The following ZDHHC7 variants were observed in gnomAD, a reference collection of about 807,000 sequenced individuals.
ZDHHC7 encodes palmitoyltransferase ZDHHC7.
A neutral mutation model predicts 34.1 loss-of-function variants in ZDHHC7; 12 were observed. That is an observed-to-expected ratio of 0.35 (90% CI 0.23 to 0.57). The LOEUF is 0.57. Ranked by LOEUF, ZDHHC7 falls within the 20% of genes least tolerant of loss-of-function variation. ZDHHC7 has a pLI of 0.84. For synonymous variants in ZDHHC7, 185 were observed against 155.4 expected (o/e 1.19, Z -1.42); for missense variants, 388 against 402.7 (o/e 0.96, Z 0.31).
intron 4 of ZDHHC7, among the ~76,000 whole-genome samples, chr16:84,980,972 G>C (rs2072360127): frequency 6.6e-6 from 1 of 152,178 alleles, no homozygotes; most frequent in African/African-American, 2.4e-5. Context: ...CCCTGTATCT[G>C]GGTTTCCTCC....
the ZDHHC7 span, among the ~76,000 whole-genome samples, chr16:85,024,631 G>A: frequency 1.3e-5 from 2 of 152,174 alleles, no homozygotes; most frequent in Non-Finnish European, 2.9e-5. Flanking sequence ...TGTCGGCAGA[G>A]GCTCCATCCT....
intron 5 of ZDHHC7, among the ~76,000 whole-genome samples, chr16:84,978,930 T>C (rs539034882): frequency 6.6e-6 from 1 of 151,948 alleles, no homozygotes; most frequent in African/African-American, 2.4e-5. Context: ...GGAAGATTCC[T>C]GTTATTATTA....
At chr16:85,014,163 T>A (rs541131547), upstream of ZDHHC7, among the ~76,000 whole-genome samples, 1 of 152,320 alleles carries the variant, frequency 6.6e-6, no homozygotes, top group East Asian at 1.9e-4. Flanking sequence ...CACACTTTTG[T>A]CAACCCAAAA....
At chr16:84,990,001 C>G (rs1465128087) in intron 3 of ZDHHC7, among the ~76,000 whole-genome samples, 1 of 152,072 alleles carries the variant, frequency 6.6e-6, no homozygotes, top group African/African-American at 2.4e-5. Flanking sequence ...ACGATCGGCC[C>G]GAATGCCCCT....
the ZDHHC7 span, among the ~76,000 whole-genome samples, chr16:85,016,588 G>A: frequency 6.6e-6 from 1 of 151,258 alleles, no homozygotes; most frequent in East Asian, 1.9e-4. Flanking sequence ...CCAAGTAGCT[G>A]AGATTACAGC....
At chr16:85,027,614 G>C in the ZDHHC7 span, 6 of 152,220 alleles carry the variant, frequency 3.9e-5, no homozygotes, top group Admixed American at 6.5e-5. Flanking sequence ...CCGAGCGTGG[G>C]CAGGCCTCGG....
intron 4 of ZDHHC7, among the ~76,000 whole-genome samples, chr16:84,980,289 T>C (rs747909676): frequency 2.6e-5 from 4 of 151,798 alleles, no homozygotes; most frequent in African/African-American, 4.8e-5. Context: ...TTCTTATTCA[T>C]TGACCTTGGC....
chr16:84,977,840 AAACTGGTTCT>A, intron 6 of ZDHHC7, 74 bp downstream of exon 6: 2 of 1,110,936 alleles, frequency 1.8e-6, no homozygotes, highest in South Asian at 2.9e-5. Flanking sequence ...CAAAATTGGA[AAACTGGTTCT>A]TCCTTTAAAG....
upstream of ZDHHC7, among the ~76,000 whole-genome samples, chr16:85,014,425 C>T (rs895939247): frequency 6.6e-6 from 1 of 152,138 alleles, no homozygotes; most frequent in African/African-American, 2.4e-5. Flanking sequence ...ATTTAACATT[C>T]CACAGTGAAG....
chr16:85,012,126 A>T (rs1357339808), upstream of ZDHHC7, among the ~76,000 whole-genome samples: 4 of 152,196 alleles, frequency 2.6e-5, no homozygotes, highest in Non-Finnish European at 5.9e-5. Flanking sequence ...TCACGCCTGT[A>T]ACTCCAGCAC....
intron 1 of ZDHHC7, among the ~76,000 whole-genome samples, chr16:85,002,175 T>C (rs199537991): frequency 1.3e-5 from 2 of 151,652 alleles, no homozygotes; most frequent in East Asian, 1.9e-4. Context: ...AAACAGAAAA[T>C]AGACAAATAC....
chr16:85,000,128 G>T (rs919382442), intron 1 of ZDHHC7, among the ~76,000 whole-genome samples: 13 of 152,032 alleles, frequency 8.6e-5, no homozygotes, highest in Non-Finnish European at 1.8e-4. Flanking sequence ...CAACAAGCAA[G>T]ACCCTGTCTC....
intron 3 of ZDHHC7, among the ~76,000 whole-genome samples, chr16:84,984,299 G>T (rs996773384): frequency 3.9e-5 from 6 of 152,122 alleles, no homozygotes; most frequent in Middle Eastern, 3.2e-3. Context: ...AGGATTACAG[G>T]TATGAGCCAC....
intron 2 of ZDHHC7, among the ~76,000 whole-genome samples, chr16:84,995,193 T>C (rs1037362808): frequency 6.6e-5 from 10 of 152,210 alleles, no homozygotes; most frequent in African/African-American, 2.4e-4. Flanking sequence ...TCTACCCTAA[T>C]GGCCGATTTA....
chr16:85,024,439 G>A, the ZDHHC7 span, among the ~76,000 whole-genome samples: 1 of 152,066 alleles, frequency 6.6e-6, no homozygotes, highest in East Asian at 1.9e-4. Context: ...CACCATGTTG[G>A]CCAGGCTGGT....
At chr16:84,980,426 T>G (rs999101068) in intron 4 of ZDHHC7, among the ~76,000 whole-genome samples, 2 of 151,986 alleles carry the variant, frequency 1.3e-5, no homozygotes, top group African/African-American at 4.8e-5. Context: ...TCCCAGCACT[T>G]TGGCAGGCCG....
At chr16:85,021,749 A>G in the ZDHHC7 span, among the ~76,000 whole-genome samples, 150,806 of 151,626 alleles carry the variant, frequency 0.99, 74,997 homozygotes, top group South Asian at 1. Context: ...GAAAGAGAAC[A>G]AGAGAGAGAG....
intron 4 of ZDHHC7, among the ~76,000 whole-genome samples, chr16:84,981,565 G>A (rs2072368285): frequency 6.6e-6 from 1 of 152,190 alleles, no homozygotes. Context: ...TGTGGCATGT[G>A]TGCCACAACA....
At chr16:85,007,253 G>A (rs1022391736) in intron 1 of ZDHHC7, among the ~76,000 whole-genome samples, 1 of 151,130 alleles carries the variant, frequency 6.6e-6, no homozygotes, top group South Asian at 2.1e-4. Context: ...GTAAAAACCC[G>A]TCTCTACAAA....
Sources: gnomAD v4.1 joint callset for allele counts (sites outside exome capture counted in the v4.1 genomes callset) on GRCh38, gnomAD v4.1.1 for gene constraint, MANE v1.5 for transcripts, NCBI Gene and HGNC (gene_info 2026-07-23, HGNC 2026-07-21) for gene names.